The following CRIM1 variants were observed in gnomAD, a reference collection of about 807,000 sequenced individuals.
CRIM1 encodes the protein cysteine-rich motor neuron 1 protein.
In CRIM1, 32 loss-of-function variants were observed where a neutral mutation model predicts 116.4. The ratio of observed to expected loss-of-function variants is 0.27; its 90% confidence interval spans 0.21 to 0.37. The LOEUF (loss-of-function observed/expected upper bound fraction) is 0.37. Ranked by LOEUF, CRIM1 falls within the 10% of genes least tolerant of loss-of-function variation. The pLI is 1.00. For synonymous variants in CRIM1, 590 were observed against 509.2 expected, an observed-to-expected ratio of 1.16 and a Z score of -2.13; for missense variants, 1,331 against 1,354.8, an observed-to-expected ratio of 0.98 and a Z score of 0.28.
At chr2:36,527,531 T>C (rs1665835092) in intron 13 of CRIM1, among the ~76,000 whole-genome samples, 1 of 144,942 alleles carries the variant, frequency 6.9e-6, no homozygotes, top group East Asian at 2.2e-4. Flanking sequence ...CATAGTGATC[T>C]TCAACTCGCA....
At position 36,402,355 on chromosome 2, in the gene CRIM1, T is replaced by A. The variant is rs150085655; in HGVS notation, c.505+5568T>A. 4.3e-3 allele frequency among the ~76,000 whole-genome samples: 642 copies of A among 148,078 alleles called. 1 individual carries two copies. Among genetic ancestry groups the A allele is most frequent in the African/African-American group, 0.015 (616 of 40,004 alleles). Reference sequence around the variant, plus strand: ...TGACCTGAGGAGAGAGAATTCCATATGGACGGAACAGCAACTGCAAAAGCT... The same window carrying A: ...TGACCTGAGGAGAGAGAATTCCATAAGGACGGAACAGCAACTGCAAAAGCT... On this transcript the variant is annotated intron_variant, in intron 2 of 16. Transcript: ENST00000280527.
At position 36,488,528 on chromosome 2, in the gene CRIM1, G is replaced by A. The variant is rs556500609; in HGVS notation, c.1372+8834G>A. 2.6e-5 allele frequency among the ~76,000 whole-genome samples: 4 copies of A among 152,288 alleles called. No individual in the cohort carries two copies. The South Asian group carries it at 6.2e-4, about 24-fold the overall frequency. On this transcript the variant is annotated intron_variant, in intron 7 of 16. Coordinates refer to ENST00000280527, the MANE Select transcript of CRIM1 (RefSeq NM_016441.3). ...AAATTTGATGTGCTTTGAGCAATAC[G>A]GGACATGTAACATGTTTCTGAAATT...
Position 36,499,549 on chromosome 2 carries a change from T to C in CRIM1, c.1501+202T>C, listed in dbSNP as rs529766756. On this transcript the variant is annotated intron_variant, in intron 8 of 16. Coordinates refer to ENST00000280527, the MANE Select transcript of CRIM1 (RefSeq NM_016441.3). ...GCTGCTGCTTTATTGTGTTTTTTTC[T>C]CTGTTTCCTTGATGGCCAGTTGCAT... 7 of 538,038 alleles carry C rather than the reference T, an allele frequency of 1.3e-5. No homozygotes were observed. The Admixed American group carries it at 2.1e-4, about 16-fold the overall frequency. The allele number at this position is 538,038 out of a possible 1,614,324, so 33.3% of individuals were successfully genotyped here. A position where few individuals can be genotyped will look rare whatever the true frequency, so the allele number is the denominator to read the frequency against.
intron 1 of CRIM1, among the ~76,000 whole-genome samples, chr2:36,363,505 T>C (rs1167086961): frequency 6.7e-6 from 1 of 148,786 alleles, no homozygotes; most frequent in Non-Finnish European, 1.5e-5. Context: ...GAGCAAATTG[T>C]TACTGAATTC....
At chr2:36,378,872 A>T (rs972565119) in intron 1 of CRIM1, 1 of 144,610 alleles carries the variant, frequency 6.9e-6, no homozygotes, top group Non-Finnish European at 1.5e-5. Context: ...GCAGGTGATC[A>T]TATCTACAAA....
At chr2:36,526,164 C>G (rs756402243) in intron 13 of CRIM1, among the ~76,000 whole-genome samples, 2 of 151,712 alleles carry the variant, frequency 1.3e-5, no homozygotes, top group South Asian at 4.1e-4. Flanking sequence ...TTTAATGGAA[C>G]ATCTTCTGAT....
Position 36,499,356 on chromosome 2 carries a change from A to G in CRIM1, c.1501+9A>G, listed in dbSNP as rs933724606. On this transcript the variant is annotated intron_variant, in intron 8 of 16. Transcript: ENST00000280527. The stretch of plus-strand genomic sequence containing the variant: ...CTGTCAGTGCATAAACAGTGAGTAG[A>G]CAGAAGACTGTATGTTTTTTCTGAG... 6 of 1,613,306 alleles carry G rather than the reference A, an allele frequency of 3.7e-6. No individual in the cohort carries two copies.
At chr2:36,360,092 T>C (rs1323787920) in intron 1 of CRIM1, among the ~76,000 whole-genome samples, 2 of 152,222 alleles carry the variant, frequency 1.3e-5, no homozygotes, top group African/African-American at 4.8e-5. Context: ...AAAGAAGATT[T>C]TGATTGGACA....
At chr2:36,409,098 A>G (rs1323124409) in intron 2 of CRIM1, among the ~76,000 whole-genome samples, 1 of 152,186 alleles carries the variant, frequency 6.6e-6, no homozygotes, top group Non-Finnish European at 1.5e-5. Context: ...GGCTGAATGC[A>G]TACCATCATA....
intron 2 of CRIM1, among the ~76,000 whole-genome samples, chr2:36,403,574 G>T (rs370060971): frequency 6.6e-5 from 10 of 152,256 alleles, no homozygotes; most frequent in Admixed American, 5.9e-4. Flanking sequence ...AGAGAGGACG[G>T]ACAGAGAGGT....
Position 36,513,617 on chromosome 2 carries a change from T to C in CRIM1, c.1842T>C (p.His614=), listed in dbSNP as rs1334169925. 1 of 1,614,186 alleles carries C rather than the reference T, an allele frequency of 6.2e-7. No individual in the cohort carries two copies. The highest frequency in any genetic ancestry group is 1.7e-5 in the Admixed American group (1 of 60,030). ...LSGTCLTVDG[H]HHKNEESWHD... is the part of the protein sequence containing the mutation. ...GCACTTGTCTCACCGTGGATGGTCA[T>C]CATCATAAAAATGAGGAGAGCTGGC... Residue 614 remains histidine, a synonymous_variant, in exon 11 of 17, where the codon CAT becomes CAC. Transcript: ENST00000280527.
chr2:36,438,539 C>T (rs1006053046), intron 2 of CRIM1, among the ~76,000 whole-genome samples: 10 of 152,276 alleles, frequency 6.6e-5, no homozygotes, highest in South Asian at 2.1e-4. Context: ...TCTCTTCTCA[C>T]GGCAGTTCCT....
intron 2 of CRIM1, among the ~76,000 whole-genome samples, chr2:36,414,809 G>T (rs999156796): frequency 3.9e-5 from 6 of 152,210 alleles, no homozygotes; most frequent in African/African-American, 1.4e-4. Flanking sequence ...AGTGGCAGAA[G>T]AGGAAGCTGG....
intron 1 of CRIM1, among the ~76,000 whole-genome samples, chr2:36,393,464 G>T (rs1475589514): frequency 1.3e-5 from 2 of 151,860 alleles, no homozygotes; most frequent in South Asian, 4.2e-4. Flanking sequence ...CCATACCAGT[G>T]ACATATATGT....
chr2:36,363,607 T>C (rs1669389207), intron 1 of CRIM1, among the ~76,000 whole-genome samples: 1 of 151,816 alleles, frequency 6.6e-6, no homozygotes, highest in Non-Finnish European at 1.5e-5. Context: ...AGTAATGTTT[T>C]AGGTCTGATA....
chr2:36,502,009 C>T lies in CRIM1; in HGVS notation c.1501+2662C>T, dbSNP rs559780381. On this transcript the variant is annotated intron_variant, in intron 8 of 16. Transcript: ENST00000280527. The stretch of plus-strand genomic sequence containing the variant: ...ATTTTAATCCTTCTAATGCCTCTTA[C>T]ATTAAGAAAGCTACATCTTTCTTAA... 4.6e-5 allele frequency among the ~76,000 whole-genome samples: 7 copies of T among 152,272 alleles called. No homozygotes were observed. In the East Asian group the frequency reaches 1.4e-3, roughly 29 times the overall value.
rs73924832 is a variant in CRIM1 at position 36,436,017 on chromosome 2, T to A, written c.506-5241T>A. ...TTATATATAGATCTGTTAGACACCATAGGGAAAGAGTTAGGAGAGACTTCA... is the reference window on the plus strand; with the variant it reads ...TTATATATAGATCTGTTAGACACCAAAGGGAAAGAGTTAGGAGAGACTTCA... On this transcript the variant is annotated intron_variant, in intron 2 of 16. Coordinates refer to ENST00000280527, the MANE Select transcript of CRIM1 (RefSeq NM_016441.3). 2.7e-3 allele frequency among the ~76,000 whole-genome samples: 403 copies of A among 151,662 alleles called. 2 individuals are homozygous for A. The highest frequency in any genetic ancestry group is 9.5e-3 in the African/African-American group (392 of 41,354).
chr2:36,547,323 A>C, intron 16 of CRIM1, 152 bp downstream of exon 16: 1 of 643,218 alleles, frequency 1.6e-6, no homozygotes, highest in East Asian at 2.7e-5. Flanking sequence ...GTATGAATCA[A>C]ATACATAGTA....
intron 9 of CRIM1, among the ~76,000 whole-genome samples, chr2:36,510,887 C>G (rs1200933009): frequency 6.7e-6 from 1 of 149,474 alleles, no homozygotes. Context: ...TCTGTCTTTC[C>G]AATTTGATAT....
Sources: allele counts gnomAD v4.1 joint callset (sites outside exome capture counted in the v4.1 genomes callset), GRCh38; gene constraint gnomAD v4.1.1; transcripts MANE v1.5; gene names NCBI Gene and HGNC (gene_info 2026-07-23, HGNC 2026-07-21).